The following CACNA1C variants were observed in gnomAD, a reference collection of about 807,000 sequenced individuals.
CACNA1C encodes voltage-dependent L-type calcium channel subunit alpha-1C.
A neutral mutation model predicts 229.0 loss-of-function variants in CACNA1C; 30 were observed. That is an observed-to-expected ratio of 0.13 (90% CI 0.10 to 0.18). The LOEUF (loss-of-function observed/expected upper bound fraction) is 0.18. Among genes scored for constraint, CACNA1C ranks in the 10% least tolerant of loss-of-function variants. The probability of loss-of-function intolerance (pLI) is 1.00; values close to 1 mark genes in which losing one functional copy is unlikely to be tolerated. For synonymous variants in CACNA1C, 1,114 were observed against 1,132.5 expected (o/e 0.98, Z 0.33); for missense variants, 1,658 against 2,845.0 (o/e 0.58, Z 9.49).
chr12:2,452,303 G>T (rs1466513442), intron 4 of CACNA1C, among the ~76,000 whole-genome samples: 1 of 152,042 alleles, frequency 6.6e-6, no homozygotes, highest in African/African-American at 2.4e-5. Context: ...AAACACAGAG[G>T]GACTGTGGCG....
In CACNA1C at chr12:2,549,985, A is replaced by T. The variant is rs1185431018; in HGVS notation, c.1433A>T (p.Asn478Ile). 2 of 1,608,500 alleles carry T rather than the reference A, an allele frequency of 1.2e-6. No homozygotes were observed. Among genetic ancestry groups the T allele is most frequent in the Non-Finnish European group, 1.7e-6 (2 of 1,177,568 alleles). ...GAGACCGAGTCCGTCAACACCGAAA[A>T]CGTGGCTGGAGGTGACATCGAGGGA... is the stretch of plus-strand genomic sequence containing the variant. ...TSETESVNTE[N>I]VAGGDIEGEN... is the part of the protein sequence containing the mutation. The change falls in exon 10 of 47, where the codon AAC (asparagine) becomes ATC (isoleucine). Residue 478 changes from asparagine to isoleucine, a missense_variant. Asn to Ile is a moderately radical substitution (Grantham distance 149). Coordinates refer to ENST00000399655, the MANE Select transcript of CACNA1C (RefSeq NM_000719.7).
intron 3 of CACNA1C, among the ~76,000 whole-genome samples, chr12:2,421,916 A>C (rs962714936): frequency 2.5e-4 from 38 of 152,208 alleles, no homozygotes; most frequent in Admixed American, 3.3e-4. Context: ...TCTCAACAAA[A>C]AAAAAAAAGC....
chr12:2,432,432 C>T (rs914304708), intron 3 of CACNA1C, among the ~76,000 whole-genome samples: 2 of 152,184 alleles, frequency 1.3e-5, no homozygotes, highest in Admixed American at 1.3e-4. Context: ...GATCATCAGC[C>T]TCAAAGACCT....
rs190132952 is a variant in CACNA1C at position 2,015,794 on chromosome 12, G to A, written c.139+44593G>A. Among the ~76,000 whole-genome samples, 214 of 152,288 alleles carry A rather than the reference G, an allele frequency of 1.4e-3. 2 individuals carry two copies. The highest frequency in any genetic ancestry group is 4.8e-3 in the African/African-American group (200 of 41,548). ...ACTTCCTGGGTTCAGATCTCTCTCA[G>A]CTAGTATGGTACTTGGGCAGTTCAC... On this transcript the variant is annotated intron_variant, in intron 1 of 46. Transcript: ENST00000682462.
intron 3 of CACNA1C, among the ~76,000 whole-genome samples, chr12:2,211,787 C>T (rs1261995171): frequency 6.8e-6 from 1 of 146,998 alleles, no homozygotes; most frequent in South Asian, 2.2e-4. Context: ...GGCATGGTCT[C>T]GGCTCACTGC....
chr12:2,252,045 G>A (rs2075776523), intron 3 of CACNA1C, among the ~76,000 whole-genome samples: 1 of 152,218 alleles, frequency 6.6e-6, no homozygotes, highest in African/African-American at 2.4e-5. Context: ...TGTTTAATGA[G>A]TGAAGCTGTG....
rs727503834 is a variant in CACNA1C, at chr12:2,608,527, A to G, written c.3373A>G (p.Ile1125Val). The G allele has an allele frequency of 6.2e-7, 1 of 1,611,172 alleles. No individual in the cohort carries two copies. The highest frequency in any genetic ancestry group is 1.1e-5 in the South Asian group (1 of 90,446). The change falls in exon 27 of 47, where the codon ATC becomes GTC. Residue 1125 changes from isoleucine (I) to valine (V), a missense_variant. By Grantham distance (29) the Ile-to-Val change is conservative. Coordinates refer to ENST00000399655, the MANE Select transcript of CACNA1C (RefSeq NM_000719.7). The surrounding 1 kb of genome is among the most constrained non-coding windows in gnomAD (Gnocchi z 4.2). ...EGWPELLYRS[I>V]DSHTEDKGPI... Reference sequence around the variant, plus strand: ...CTCCTGCAGGCTGCTGTACCGCTCCATCGACTCCCACACGGAAGACAAGGG... The same window carrying G: ...CTCCTGCAGGCTGCTGTACCGCTCCGTCGACTCCCACACGGAAGACAAGGG...
intron 1 of CACNA1C, among the ~76,000 whole-genome samples, chr12:2,105,948 C>A (rs1425444801): frequency 5.1e-5 from 2 of 39,270 alleles, no homozygotes; most frequent in East Asian, 1.5e-3. Context: ...CACTGGGCGC[C>A]CACCCCGGGG....
chr12:2,454,628 G>A (rs1022725833), intron 4 of CACNA1C, among the ~76,000 whole-genome samples: 16 of 151,972 alleles, frequency 1.1e-4, no homozygotes, highest in African/African-American at 3.9e-4. Flanking sequence ...ACCTGGAAAG[G>A]GTCAAGAAAT....
Position 2,410,819 on chromosome 12 carries a change from A to G in CACNA1C, c.478-38157A>G, listed in dbSNP as rs2098799324. On this transcript the variant is annotated intron_variant, in intron 3 of 46. Transcript: ENST00000399655. This position sits in a 1 kb window ranked among gnomAD's most constrained non-coding sequence, Gnocchi z 5.3. ...TGTATATGTGTGTGTGTGCGTGTGC[A>G]TGTGCGTGTGTGTGTTTCAGGAGCT... Among the ~76,000 whole-genome samples the G allele has an allele frequency of 7.0e-6, 1 of 143,094 alleles. No individual in the cohort carries two copies. The highest frequency in any genetic ancestry group is 2.6e-5 in the African/African-American group (1 of 38,070). The allele number at this position is 143,094 out of a possible 152,430, so 93.9% of individuals were successfully genotyped here. A position where few individuals can be genotyped will look rare whatever the true frequency, so the allele number is the denominator to read the frequency against.
At chr12:2,084,698 T>C (rs540742167) in intron 1 of CACNA1C, among the ~76,000 whole-genome samples, 10 of 152,164 alleles carry the variant, frequency 6.6e-5, no homozygotes, top group Non-Finnish European at 1.3e-4. Context: ...TGAATGCAGA[T>C]TAAGGAAGAA....
intron 11 of CACNA1C, among the ~76,000 whole-genome samples, chr12:2,559,909 A>G (rs1383934687): frequency 2.0e-5 from 3 of 152,174 alleles, no homozygotes; most frequent in Admixed American, 6.5e-5. Context: ...GAAACAGGAA[A>G]TTTCTTTGAT....
chr12:2,535,464 C>T (rs916928976), intron 9 of CACNA1C, among the ~76,000 whole-genome samples: 4 of 151,112 alleles, frequency 2.6e-5, no homozygotes, highest in South Asian at 2.1e-4. Context: ...TTTGGGAGGG[C>T]GAGGTGGGAT....
In CACNA1C at chr12:2,300,043, T is replaced by G. The variant is rs546434657; in HGVS notation, c.478-148933T>G. On this transcript the variant is annotated intron_variant, in intron 3 of 46. Coordinates refer to ENST00000399655, the MANE Select transcript of CACNA1C (RefSeq NM_000719.7). ...ACACTGTAAGAGCAATTTCTAAGAT[T>G]TAAAGAGAATGAAGTAAAAAATTCT... Among the ~76,000 whole-genome samples, 113 of 152,338 alleles carry G rather than the reference T, an allele frequency of 7.4e-4. 1 individual carries two copies. The highest frequency in any genetic ancestry group is 2.7e-3 in the African/African-American group (112 of 41,586).
At chr12:2,117,196 G>A (rs960817420) in intron 2 of CACNA1C, among the ~76,000 whole-genome samples, 12 of 152,166 alleles carry the variant, frequency 7.9e-5, no homozygotes, top group African/African-American at 1.7e-4. Context: ...GCTTGAACTC[G>A]GGACGAAGAG....
chr12:2,144,785 A>G (rs1166883323), intron 3 of CACNA1C, among the ~76,000 whole-genome samples: 1 of 151,360 alleles, frequency 6.6e-6, no homozygotes, highest in Non-Finnish European at 1.5e-5. Flanking sequence ...AGAGTTTTTC[A>G]TCCTGCTAAA....
intron 3 of CACNA1C, among the ~76,000 whole-genome samples, chr12:2,205,219 T>A (rs2097720028): frequency 6.6e-6 from 1 of 152,134 alleles, no homozygotes. Context: ...GCAACAGACT[T>A]CTGCACGTTA....
intron 3 of CACNA1C, among the ~76,000 whole-genome samples, chr12:2,310,350 A>ATATAT (rs1555425823): frequency 4.9e-4 from 62 of 127,330 alleles, no homozygotes; most frequent in South Asian, 3.5e-3. Context: ...GTTAAAAAAA[A>ATATAT]AAATATATAT....
chr12:2,507,960 G>A (rs1253399598), intron 8 of CACNA1C, among the ~76,000 whole-genome samples: 1 of 152,246 alleles, frequency 6.6e-6, no homozygotes, highest in Non-Finnish European at 1.5e-5. Flanking sequence ...AGAGGAGCGA[G>A]CAGGCAGGCA....
Sources: gnomAD v4.1 joint callset for allele counts (sites outside exome capture counted in the v4.1 genomes callset) on GRCh38, gnomAD v4.1.1 for gene constraint, Gnocchi (gnomAD v3.1) non-coding constraint, MANE v1.5 for transcripts, NCBI Gene and HGNC (gene_info 2026-07-23, HGNC 2026-07-21) for gene names.